The following HSD17B4 variants were observed in gnomAD, a reference collection of about 807,000 sequenced individuals.
The protein encoded by HSD17B4 is peroxisomal multifunctional enzyme type 2.
HSD17B4 carries 70 observed loss-of-function variants against 101.0 expected under a neutral mutation model. The observed-to-expected ratio is 0.69, with a 90% CI of 0.57 to 0.85. The LOEUF is 0.85. Among genes scored for constraint, HSD17B4 ranks in the 40% least tolerant of loss-of-function variants. HSD17B4 has a pLI of 0.00. For missense variants in HSD17B4, 984 were observed against 892.4 expected (o/e 1.10, Z -1.31); for synonymous variants, 347 against 297.1 (o/e 1.17, Z -1.73).
intron 2 of HSD17B4, among the ~76,000 whole-genome samples, chr5:119,457,530 T>G (rs1039048634): frequency 3.9e-5 from 6 of 152,320 alleles, no homozygotes; most frequent in Non-Finnish European, 5.9e-5. Context: ...CCAATCTGCT[T>G]CTTCTGGCAG....
intron 13 of HSD17B4, among the ~76,000 whole-genome samples, chr5:119,501,093 C>T (rs1026438147): frequency 1.3e-5 from 2 of 152,112 alleles, no homozygotes; most frequent in African/African-American, 4.8e-5. Flanking sequence ...GTTTCATTCA[C>T]ACTCCCATGG....
At chr5:119,456,958 C>T (rs1006312638) in intron 2 of HSD17B4, among the ~76,000 whole-genome samples, 1 of 152,090 alleles carries the variant, frequency 6.6e-6, no homozygotes, top group African/African-American at 2.4e-5. Flanking sequence ...GTATGGGTTT[C>T]TTGACTCTTT....
Position 119,536,534 on chromosome 5 carries a change from A to T in HSD17B4, c.2105A>T (p.Lys702Met), listed in dbSNP as rs1321740072. The T allele has an allele frequency of 4.3e-6, 7 of 1,612,024 alleles. No individual in the cohort carries two copies. Among genetic ancestry groups the T allele is most frequent in the Non-Finnish European group, 5.9e-6 (7 of 1,178,476 alleles). Residue 702 changes from lysine (K) to methionine (M), a missense_variant, in exon 23 of 24, where the codon AAG becomes ATG. Transcript: ENST00000510025. ...GATTTCATGGAGGTGGTCCTGGGCA[A>T]GCTTGACCCTCAGAAGGTAATGTTC... Reference protein sequence around the residue: ...DEDFMEVVLGKLDPQKAFFSG... With the variant: ...DEDFMEVVLGMLDPQKAFFSG...
chr5:119,475,222 A>C (rs1430521302), intron 4 of HSD17B4, among the ~76,000 whole-genome samples: 2 of 152,156 alleles, frequency 1.3e-5, no homozygotes, highest in East Asian at 3.8e-4. Flanking sequence ...GAACCTTAAA[A>C]AATAATTATT....
intron 16 of HSD17B4, 145 bp downstream of exon 16, chr5:119,509,389 G>C: frequency 1.4e-6 from 1 of 723,168 alleles, no homozygotes; most frequent in South Asian, 1.4e-5. Context: ...GGGACACCAA[G>C]ACCAGTCCCT....
chr5:119,498,630 C>G (rs924285670), intron 12 of HSD17B4, among the ~76,000 whole-genome samples: 5 of 152,196 alleles, frequency 3.3e-5, no homozygotes, highest in African/African-American at 1.2e-4. Flanking sequence ...GTAATCCCAG[C>G]ACTTTGGGAG....
intron 2 of HSD17B4, chr5:119,471,690 CTT>C: frequency 6.9e-7 from 1 of 1,456,772 alleles, no homozygotes; most frequent in South Asian, 1.3e-5. Flanking sequence ...AATGCAGATT[CTT>C]TGTTTCAAGT....
At chr5:119,482,002 A>G in intron 8 of HSD17B4, among the ~76,000 whole-genome samples, 1 of 151,704 alleles carries the variant, frequency 6.6e-6, no homozygotes, top group East Asian at 1.9e-4. Context: ...GAGATTTTTG[A>G]TATTTATGCT....
chr5:119,456,733 C>A, intron 2 of HSD17B4: 1 of 244,538 alleles, frequency 4.1e-6, no homozygotes, highest in Non-Finnish European at 8.0e-6. Context: ...GGTGATGGCG[C>A]AAAAAAAACC....
chr5:119,520,800 C>G (rs898981566), intron 17 of HSD17B4, among the ~76,000 whole-genome samples: 2 of 152,064 alleles, frequency 1.3e-5, no homozygotes, highest in African/African-American at 2.4e-5. Flanking sequence ...CCCTTAATGC[C>G]TCATTTTCCC....
At chr5:119,531,231 A>G (rs751302907) in intron 21 of HSD17B4, 35 bp from the exon 22 acceptor site, 1 of 1,609,766 alleles carries the variant, frequency 6.2e-7, no homozygotes, top group South Asian at 1.1e-5. Context: ...TTATTTTTAC[A>G]GAACTTTTAA....
At chr5:119,538,045 C>T (rs1468639603) in intron 23 of HSD17B4, among the ~76,000 whole-genome samples, 2 of 152,152 alleles carry the variant, frequency 1.3e-5, no homozygotes, top group Non-Finnish European at 2.9e-5. Flanking sequence ...TTAGTCTTCT[C>T]TGAGCTCCAC....
At chr5:119,498,030 T>A (rs73249960) in intron 12 of HSD17B4, among the ~76,000 whole-genome samples, 120 of 152,294 alleles carry the variant, frequency 7.9e-4, no homozygotes, top group African/African-American at 2.5e-3. Flanking sequence ...ATGCTTCCCA[T>A]TGAGTCAGAA....
At chr5:119,510,123 T>C (rs1752040167) in intron 16 of HSD17B4, among the ~76,000 whole-genome samples, 1 of 152,220 alleles carries the variant, frequency 6.6e-6, no homozygotes. Context: ...TTCCTTGAAT[T>C]TGAAGTGCTG....
chr5:119,530,614 A>G (rs1188154181), intron 21 of HSD17B4, among the ~76,000 whole-genome samples: 1 of 151,614 alleles, frequency 6.6e-6, no homozygotes. Context: ...GCCCTTTGGG[A>G]GGCTGAAGTG....
At chr5:119,499,589 A>T (rs36201182) in intron 13 of HSD17B4, 36 bp downstream of exon 13, 1 of 1,155,954 alleles carries the variant, frequency 8.7e-7, no homozygotes, top group African/African-American at 1.5e-5. Context: ...TTGCTTTTCT[A>T]TTTCTGTAAA....
chr5:119,465,963 T>C (rs954154708), intron 2 of HSD17B4, among the ~76,000 whole-genome samples: 1 of 152,226 alleles, frequency 6.6e-6, no homozygotes, highest in Non-Finnish European at 1.5e-5. Flanking sequence ...TGCAGGTTTG[T>C]AATATATGAC....
chr5:119,479,495 C>T (rs1032323246), intron 8 of HSD17B4, among the ~76,000 whole-genome samples: 4 of 152,064 alleles, frequency 2.6e-5, no homozygotes, highest in African/African-American at 9.7e-5. Flanking sequence ...TAAAGTTCGT[C>T]GTTTACACTG....
chr5:119,479,063 A>T (rs757522919), intron 8 of HSD17B4, 42 bp downstream of exon 8: 2 of 1,412,720 alleles, frequency 1.4e-6, no homozygotes, highest in South Asian at 2.3e-5. Context: ...GTTACTTACA[A>T]ACCTATGTGG....
Sources: allele counts gnomAD v4.1 joint callset (sites outside exome capture counted in the v4.1 genomes callset), GRCh38; gene constraint gnomAD v4.1.1; transcripts MANE v1.5; gene names NCBI Gene and HGNC (gene_info 2026-07-23, HGNC 2026-07-21).